Variants in ZNF692 observed in about 807,000 individuals in gnomAD.
The protein encoded by ZNF692 is AICAR responsive element binding protein.
ZNF692 carries 41 observed loss-of-function variants against 49.0 expected under a neutral mutation model. The observed-to-expected ratio is 0.84, with a 90% CI of 0.65 to 1.08. The LOEUF (loss-of-function observed/expected upper bound fraction) is 1.08. ZNF692 is among the 50% of genes least tolerant of loss of function. The probability of loss-of-function intolerance (pLI) is 0.00; values close to 1 mark genes in which losing one functional copy is unlikely to be tolerated. For synonymous variants in ZNF692, 288 were observed against 251.5 expected (o/e 1.15, Z -1.37); for missense variants, 662 against 662.2 (o/e 1.00, Z 0.00).
chr1:248,853,644 T>A (rs950482980), intron 10 of ZNF692, among the ~76,000 whole-genome samples: 1 of 152,250 alleles, frequency 6.6e-6, no homozygotes, highest in Non-Finnish European at 1.5e-5. Flanking sequence ...GCTTCCACAT[T>A]TCTTCATAGC....
rs1660170177 is a variant in ZNF692 at position 248,855,864 on chromosome 1, C to G, written c.742G>C (p.Ala248Pro). The change falls in exon 7 of 12, where the codon GCA becomes CCA. Residue 248 changes from alanine (A) to proline (P), a missense_variant. Ala to Pro is a conservative substitution (Grantham distance 27). Transcript: ENST00000306601. The part of the protein sequence containing the change: ...KEGETPPAPA[A>P]LSSPLAVPAL... ...GGCACAGCAAGAGGACTGGAGAGTG[C>G]TGCAGGGGCTGGTGGTGTCTCCCCC... is the stretch of plus-strand genomic sequence containing the variant. 4 of 1,614,198 alleles carry G rather than the reference C, an allele frequency of 2.5e-6. No homozygotes were observed. The highest frequency in any genetic ancestry group is 1.7e-5 in the Admixed American group (1 of 60,024).
chr1:248,855,851 G>A lies in ZNF692; in HGVS notation c.755C>T (p.Pro252Leu). ...TGCTGACAAGGCCGGCACAGCAAGAGGACTGGAGAGTGCTGCAGGGGCTGG... is the reference window on the plus strand; with the variant it reads ...TGCTGACAAGGCCGGCACAGCAAGAAGACTGGAGAGTGCTGCAGGGGCTGG... Reference protein sequence around the residue: ...TPPAPAALSSPLAVPALSASS... With the variant: ...TPPAPAALSSLLAVPALSASS... The change falls in exon 7 of 12, where the codon CCT (proline) becomes CTT (leucine). Residue 252 changes from proline (P) to leucine (L), a missense_variant. By Grantham distance (98) the Pro-to-Leu change is moderately conservative (BLOSUM62 -3). Transcript: ENST00000306601. 1 of 1,614,224 alleles carries A rather than the reference G, an allele frequency of 6.2e-7. No homozygotes were observed. Among genetic ancestry groups the A allele is most frequent in the South Asian group, 1.1e-5 (1 of 91,084 alleles).
intron 10 of ZNF692, among the ~76,000 whole-genome samples, chr1:248,851,332 TCTC>T (rs369976127): frequency 2.6e-4 from 40 of 152,122 alleles, no homozygotes; most frequent in African/African-American, 6.7e-4. Flanking sequence ...GCCAGTCCCC[TCTC>T]CTCTTTTTCC....
At chr1:248,856,688 A>C in intron 4 of ZNF692, 126 bp from the exon 5 acceptor site, 1 of 1,191,056 alleles carries the variant, frequency 8.4e-7, no homozygotes, top group Non-Finnish European at 1.2e-6. Flanking sequence ...GGGTCTCACT[A>C]TGTTGCCCAG....
Position 248,858,248 on chromosome 1 carries a change from T to C in ZNF692, c.62A>G (p.Asp21Gly), listed in dbSNP as rs1242457558. The change falls in exon 2 of 12, where the codon GAC becomes GGC. Residue 21 changes from aspartate to glycine, a missense_variant. By Grantham distance (94) the Asp-to-Gly change is moderately conservative (BLOSUM62 -1). Transcript: ENST00000306601. This position sits in a 1 kb window ranked among gnomAD's most constrained non-coding sequence, Gnocchi z 4.3. Reference protein sequence around the residue: ...CRRREKRRQLDARRSKCRIRL... With the variant: ...CRRREKRRQLGARRSKCRIRL... Reference sequence around the variant, plus strand: ...GATGCGGCACTTGCTGCGGCGCGCGTCCAGCTGCCGCCGCTTCTCCCGCCG... The same window carrying C: ...GATGCGGCACTTGCTGCGGCGCGCGCCCAGCTGCCGCCGCTTCTCCCGCCG... 6.3e-7 allele frequency: 1 copy of C among 1,584,460 alleles called. No individual in the cohort carries two copies. The highest frequency in any genetic ancestry group is 8.6e-7 in the Non-Finnish European group (1 of 1,165,374).
chr1:248,856,656 CTTTT>C, intron 4 of ZNF692, 94 bp from the exon 5 acceptor site: 1 of 1,304,534 alleles, frequency 7.7e-7, no homozygotes, highest in Non-Finnish European at 1.1e-6. Flanking sequence ...GGAGACTCCT[CTTTT>C]TTTTTTAAAT....
intron 9 of ZNF692, chr1:248,854,625 A>G (rs908809419): frequency 7.1e-6 from 1 of 140,484 alleles, no homozygotes; most frequent in Non-Finnish European, 1.5e-5. Flanking sequence ...TAACTCCTAA[A>G]TATCAAAGTA....
rs1659395642 is a variant in ZNF692 at position 248,850,294 on chromosome 1, G to A, written c.1476C>T (p.Ile492=). 1.2e-6 allele frequency: 2 copies of A among 1,610,710 alleles called. No homozygotes were observed. Among genetic ancestry groups the A allele is most frequent in the African/African-American group, 2.7e-5 (2 of 74,868 alleles). ...TGGATCCCAGAGGCCCAGGGGCAGA[G>A]ATGCTGGGACAGGGCTCTAGGGGAC... ...PSGPLEPCPS[I]SAPGPLGSSE... The change falls in exon 12 of 12, where the codon ATC becomes ATT. Residue 492 remains isoleucine (I), a synonymous_variant. Transcript: ENST00000306601.
chr1:248,858,363 G>A lies in ZNF692; in HGVS notation c.-12-42C>T. ...ACGTCTTCAGCGCCCTGCCGATCTC[G>A]GGGGTCGGGGACCCGGCTCCACCTG... is the stretch of plus-strand genomic sequence containing the variant. On this transcript the variant is annotated intron_variant, in intron 1 of 11. Transcript: ENST00000306601. This position sits in a 1 kb window ranked among gnomAD's most constrained non-coding sequence, Gnocchi z 4.3. The A allele has an allele frequency of 6.5e-7, 1 of 1,529,592 alleles. No homozygotes were observed. Among genetic ancestry groups the A allele is most frequent in the Non-Finnish European group, 8.8e-7 (1 of 1,133,094 alleles). The allele number at this position is 1,529,592 out of a possible 1,614,324, so 94.8% of individuals were successfully genotyped here.
Position 248,850,111 on chromosome 1 carries a change from G to A in ZNF692, c.*99C>T, listed in dbSNP as rs1385810601. On this transcript the variant is annotated 3_prime_UTR_variant, in exon 12 of 12. Coordinates refer to ENST00000306601, the MANE Select transcript of ZNF692 (RefSeq NM_017865.4). Reference sequence around the variant, plus strand: ...CCTGCACTCTGTCGCCTTAGTTCCTGGGGACCAAGCATCTGGCATTTCTCA... The same window carrying A: ...CCTGCACTCTGTCGCCTTAGTTCCTAGGGACCAAGCATCTGGCATTTCTCA... 1 of 1,369,078 alleles carries A rather than the reference G, an allele frequency of 7.3e-7. No individual in the cohort carries two copies. The highest frequency in any genetic ancestry group is 1.5e-5 in the African/African-American group (1 of 68,458). 84.8% of individuals were successfully genotyped at this position (1,369,078 alleles called of 1,614,324 possible).
At chr1:248,856,619 C>A in intron 4 of ZNF692, 57 bp from the exon 5 acceptor site, 1 of 1,606,228 alleles carries the variant, frequency 6.2e-7, no homozygotes, top group Non-Finnish European at 8.5e-7. Flanking sequence ...GATGAGGACA[C>A]ATAAAGTTCT....
Position 248,858,412 on chromosome 1 carries a change from T to G in ZNF692, c.-12-91A>C. On this transcript the variant is annotated intron_variant, in intron 1 of 11. Transcript: ENST00000306601. This position sits in a 1 kb window ranked among gnomAD's most constrained non-coding sequence, Gnocchi z 4.3. ...TGCCGTTAGGGCCTCAGTTTCCTCATCAGTGAACTGGGGCAAGACTAAACT... is the reference window on the plus strand; with the variant it reads ...TGCCGTTAGGGCCTCAGTTTCCTCAGCAGTGAACTGGGGCAAGACTAAACT... 1 of 1,549,702 alleles carries G rather than the reference T, an allele frequency of 6.5e-7. No individual in the cohort carries two copies. The highest frequency in any genetic ancestry group is 1.2e-5 in the South Asian group (1 of 84,052).
At chr1:248,857,772 G>A (rs201448610) in intron 3 of ZNF692, 56 bp downstream of exon 3, 167 of 1,593,298 alleles carry the variant, frequency 1.0e-4, no homozygotes, top group Non-Finnish European at 1.4e-4. Context: ...GTGTTTCTGG[G>A]TCACCCTGTG....
At chr1:248,854,108 C>T (rs372200570) in intron 9 of ZNF692, 57 bp from the exon 10 acceptor site, 109 of 1,353,084 alleles carry the variant, frequency 8.1e-5, no homozygotes, top group African/African-American at 4.7e-4. Flanking sequence ...CCACCTTCCA[C>T]GGAGAGATGA....
At chr1:248,853,316 C>A (rs1659823895) in intron 10 of ZNF692, among the ~76,000 whole-genome samples, 1 of 152,216 alleles carries the variant, frequency 6.6e-6, no homozygotes, top group South Asian at 2.1e-4. Flanking sequence ...ACAGCAGCCA[C>A]AATGATCTTT....
In ZNF692 at chr1:248,856,358, C is replaced by T. The variant is rs1660233298; in HGVS notation, c.589G>A (p.Asp197Asn). The change falls in exon 6 of 12, where the codon GAC becomes AAC. Residue 197 changes from aspartate (D) to asparagine (N), a missense_variant. Transcript: ENST00000306601. ...ATCTCCTCTTCATCCTCATCATTGT[C>T]CTCTTCTTCCTCACCCTCTTCCTCT... ...PGEEEGEEEE[D>N]NDEDEEEMLS... is the part of the protein sequence containing the mutation. The T allele has an allele frequency of 6.2e-7, 1 of 1,612,170 alleles. No homozygotes were observed. Among genetic ancestry groups the T allele is most frequent in the Admixed American group, 1.7e-5 (1 of 59,850 alleles).
chr1:248,858,117 T>C lies in ZNF692; in HGVS notation c.179+14A>G. ...CTGGGTACCCTCCCCCAAGCCCTTC[T>C]CCCGGCCCCTAACCGGTCCAACAGG... On this transcript the variant is annotated intron_variant, in intron 2 of 11. Coordinates refer to ENST00000306601, the MANE Select transcript of ZNF692 (RefSeq NM_017865.4). The surrounding 1 kb of genome is among the most constrained non-coding windows in gnomAD (Gnocchi z 4.3). The C allele has an allele frequency of 6.4e-7, 1 of 1,559,144 alleles. No individual in the cohort carries two copies. The highest frequency in any genetic ancestry group is 8.7e-7 in the Non-Finnish European group (1 of 1,155,494).
chr1:248,855,720 G>A lies in ZNF692; in HGVS notation c.881+5C>T, dbSNP rs1028326783. 5 of 1,614,100 alleles carry A rather than the reference G, an allele frequency of 3.1e-6. No homozygotes were observed. In the Admixed American group the frequency reaches 5.0e-5, roughly 16 times the overall value. ...CTGCCCTTTCTGTCTCAGCCATCAG[G>A]TTACCTGGCCAGGGCCTCAGTCTGC... On this transcript the variant is annotated splice_donor_5th_base_variant and intron_variant, in intron 7 of 11. Transcript: ENST00000306601.
At chr1:248,857,528 A>G (rs1660385743) in intron 3 of ZNF692, 31 bp from the exon 4 acceptor site, 2 of 1,594,166 alleles carry the variant, frequency 1.3e-6, no homozygotes, top group African/African-American at 1.3e-5. Context: ...GTCAGGCTGA[A>G]CTGGGAAGTC....
Sources: gnomAD v4.1 joint callset for allele counts (sites outside exome capture counted in the v4.1 genomes callset) on GRCh38, gnomAD v4.1.1 for gene constraint, Gnocchi (gnomAD v3.1) non-coding constraint, MANE v1.5 for transcripts, NCBI Gene and HGNC (gene_info 2026-07-23, HGNC 2026-07-21) for gene names.